Variants in DGKE observed in about 807,000 individuals in gnomAD.
DGKE encodes the protein diacylglycerol kinase epsilon, also known as DAG kinase epsilon.
In DGKE, 53 loss-of-function variants were observed where a neutral mutation model predicts 70.0. The ratio of observed to expected loss-of-function variants is 0.76; its 90% CI spans 0.61 to 0.95. The LOEUF (loss-of-function observed/expected upper bound fraction) is 0.95. Ranked by LOEUF, DGKE falls within the 40% of genes least tolerant of loss-of-function variation. The pLI is 0.00. For missense variants in DGKE, 655 were observed against 706.9 expected (o/e 0.93, Z 0.83); for synonymous variants, 291 against 257.0 (o/e 1.13, Z -1.27).
chr17:56,844,201 A>C, intron 3 of DGKE, 23 bp downstream of exon 3: 4 of 1,419,982 alleles, frequency 2.8e-6, no homozygotes, highest in Non-Finnish European at 3.7e-6. Flanking sequence ...TATTTCTCTA[A>C]TATGATTGAT....
chr17:56,851,246 A>G (rs1907631866), intron 7 of DGKE, among the ~76,000 whole-genome samples: 2 of 152,120 alleles, frequency 1.3e-5, no homozygotes, highest in South Asian at 2.1e-4. Flanking sequence ...TTTGTCCCCT[A>G]GATCACTTCC....
intron 2 of DGKE, chr17:56,835,548 C>G (rs1219976492): frequency 2.2e-6 from 1 of 456,964 alleles, no homozygotes; most frequent in Non-Finnish European, 3.8e-6. Context: ...TGCTTCATGG[C>G]CACTGTATAT....
intron 2 of DGKE, among the ~76,000 whole-genome samples, chr17:56,843,642 A>G (rs1198821542): frequency 6.6e-6 from 1 of 152,022 alleles, no homozygotes; most frequent in African/African-American, 2.4e-5. Context: ...TACTAAGAAT[A>G]TAAAAATTAC....
Position 56,844,085 on chromosome 17 carries a change from T to C in DGKE, c.531T>C (p.Cys177=). Residue 177 remains cysteine (C), a synonymous_variant, in exon 3 of 12, where the codon TGT becomes TGC. Coordinates refer to ENST00000284061, the MANE Select transcript of DGKE (RefSeq NM_003647.3). The stretch of plus-strand genomic sequence containing the variant: ...AAAATAGTTTAAAGAATGAAAAATG[T>C]GATTTTGGAGAATTCAAAAACCTAA... ...CMKNSLKNEK[C]DFGEFKNLII... is the part of the protein sequence containing the mutation. 2 of 1,584,218 alleles carry C rather than the reference T, an allele frequency of 1.3e-6. No individual in the cohort carries two copies. The highest frequency in any genetic ancestry group is 2.3e-5 in the South Asian group (2 of 85,652).
At chr17:56,842,277 T>G (rs1006961131) in intron 2 of DGKE, among the ~76,000 whole-genome samples, 2 of 152,164 alleles carry the variant, frequency 1.3e-5, no homozygotes, top group Non-Finnish European at 2.9e-5. Flanking sequence ...TTTTTAAAAT[T>G]TATACAAGTA....
chr17:56,850,998 A>G (rs1907614143), intron 7 of DGKE, among the ~76,000 whole-genome samples: 1 of 152,238 alleles, frequency 6.6e-6, no homozygotes, highest in Non-Finnish European at 1.5e-5. Context: ...TTCCAGGCAG[A>G]GGGAAAAGAG....
In DGKE at chr17:56,834,922, C is replaced by T. The variant is rs398123008; in HGVS notation, c.127C>T (p.Gln43Ter). ...GTTCATCACCTTCTGGTGTAGCCTCCAGCGGTCGCGCCGGCAGCTGCACCG... is the reference window on the plus strand; with the variant it reads ...GTTCATCACCTTCTGGTGTAGCCTCTAGCGGTCGCGCCGGCAGCTGCACCG... ...PVFITFWCSL[Q>*]RSRRQLHRRD... Residue 43 changes from glutamine to a stop codon, truncating the protein, a stop_gained, in exon 2 of 12, where the codon CAG (glutamine) becomes TAG (stop). Transcript: ENST00000284061. LOFTEE classifies it high-confidence loss of function. The T allele has an allele frequency of 6.2e-7, 1 of 1,613,636 alleles. No homozygotes were observed. Among genetic ancestry groups the T allele is most frequent in the Non-Finnish European group, 8.5e-7 (1 of 1,179,970 alleles).
chr17:56,844,528 T>G (rs748214487), intron 3 of DGKE, among the ~76,000 whole-genome samples: 13 of 152,206 alleles, frequency 8.5e-5, no homozygotes, highest in Non-Finnish European at 1.5e-5. Context: ...ATATTTGATT[T>G]AGTAGGTATA....
At chr17:56,861,765 C>A in intron 9 of DGKE, 26 bp from the exon 10 acceptor site, 2 of 1,608,410 alleles carry the variant, frequency 1.2e-6, no homozygotes, top group South Asian at 2.2e-5. Flanking sequence ...ATCCTGTAGT[C>A]ACTATCTATT....
Position 56,861,922 on chromosome 17 carries a change from T to G in DGKE, c.1412+4T>G. ...ACGAGACTTACCCTCTAGCCAGGTA[T>G]GTACATTTGTGGTCTGTTTTTTTAT... On this transcript the variant is annotated splice_donor_region_variant and intron_variant, in intron 10 of 11. Transcript: ENST00000284061. 1.9e-6 allele frequency: 3 copies of G among 1,591,318 alleles called. No individual in the cohort carries two copies. Among genetic ancestry groups the G allele is most frequent in the Non-Finnish European group, 2.6e-6 (3 of 1,173,450 alleles).
At chr17:56,843,874 G>T in intron 2 of DGKE, 145 bp from the exon 3 acceptor site, 1 of 669,608 alleles carries the variant, frequency 1.5e-6, no homozygotes, top group South Asian at 2.7e-5. Context: ...TCACTGTGCA[G>T]ATAGTGCATA....
At position 56,863,347 on chromosome 17, in the gene DGKE, A is replaced by G. The variant is rs1166102722; in HGVS notation, c.*556A>G. On this transcript the variant is annotated 3_prime_UTR_variant, in exon 12 of 12. Transcript: ENST00000284061. ...CCCAAAAGGAGAATAGTAAAAAAAG[A>G]TCATACTTAAAATTTGTATTACAAT... The G allele has an allele frequency of 2.6e-5, 4 of 152,250 alleles. No homozygotes were observed. Among genetic ancestry groups the G allele is most frequent in the Admixed American group, 2.6e-4 (4 of 15,280 alleles). 9.4% of individuals were successfully genotyped at this position (152,250 alleles called of 1,614,324 possible).
rs1204155241 is a variant in DGKE, at chr17:56,859,473, G to A, written c.1284+808G>A. 3.3e-5 allele frequency among the ~76,000 whole-genome samples: 5 copies of A among 150,136 alleles called. No individual in the cohort carries two copies. The East Asian group carries it at 1.0e-3, about 30-fold the overall frequency. On this transcript the variant is annotated intron_variant, in intron 9 of 11. Coordinates refer to ENST00000284061, the MANE Select transcript of DGKE (RefSeq NM_003647.3). ...CTCACTCTGTCATCCAGGCTGGAGT[G>A]CAGTGGTGCGATCTCCGCTCACTGC...
At chr17:56,860,711 ATAAG>A (rs934515572) in intron 9 of DGKE, among the ~76,000 whole-genome samples, 7 of 152,234 alleles carry the variant, frequency 4.6e-5, no homozygotes, top group African/African-American at 1.2e-4. Context: ...GAATCTGAAA[ATAAG>A]TAAGAGTTAG....
At chr17:56,840,157 T>TC (rs1476471504) in intron 2 of DGKE, among the ~76,000 whole-genome samples, 1 of 152,014 alleles carries the variant, frequency 6.6e-6, no homozygotes, top group African/African-American at 2.4e-5. Context: ...AGAGCGAAAC[T>TC]CCATCTCAAA....
Position 56,862,889 on chromosome 17 carries a change from C to A in DGKE, c.*98C>A. 9.6e-7 allele frequency: 1 copy of A among 1,041,652 alleles called. No individual in the cohort carries two copies. The highest frequency in any genetic ancestry group is 1.3e-6 in the Non-Finnish European group (1 of 781,940). The allele number at this position is 1,041,652 out of a possible 1,614,324, so 64.5% of individuals were successfully genotyped here. A position where few individuals can be genotyped will look rare whatever the true frequency, so the allele number is the denominator to read the frequency against. On this transcript the variant is annotated 3_prime_UTR_variant, in exon 12 of 12. Transcript: ENST00000284061. The stretch of plus-strand genomic sequence containing the variant: ...AGAAATTCTCTATCAGCTATTCAGT[C>A]TTAATTTCACTAGTAGTATAATGGG...
At position 56,858,562 on chromosome 17, in the gene DGKE, T is replaced by G. The variant is rs554510551; in HGVS notation, c.1213-32T>G. 13 of 1,545,098 alleles carry G rather than the reference T, an allele frequency of 8.4e-6. No individual in the cohort carries two copies. In the Admixed American group the frequency reaches 1.2e-4, roughly 14 times the overall value. ...TTATTGTTTACAGGGTTAGATTGTT[T>G]TAATATTATATTTTCTGTCCATTTT... On this transcript the variant is annotated intron_variant, in intron 8 of 11. Coordinates refer to ENST00000284061, the MANE Select transcript of DGKE (RefSeq NM_003647.3).
At chr17:56,847,863 C>T in intron 4 of DGKE, 59 bp from the exon 5 acceptor site, 1 of 1,298,584 alleles carries the variant, frequency 7.7e-7, no homozygotes, top group South Asian at 1.8e-5. Context: ...GGGAAATCAT[C>T]ATTACAGATG....
At position 56,839,694 on chromosome 17, in the gene DGKE, CT is replaced by C. The variant is rs1163989856; in HGVS notation, c.465-4319del. On this transcript the variant is annotated intron_variant, in intron 2 of 11. Coordinates refer to ENST00000284061, the MANE Select transcript of DGKE (RefSeq NM_003647.3). ...CCACCATGCCTGATATTTTTTTTTT[CT>C]TTTTTGTAGAGATAGGAGTATCACC... 5.3e-5 allele frequency among the ~76,000 whole-genome samples: 8 copies of C among 150,324 alleles called. No homozygotes were observed. In the East Asian group the frequency reaches 1.6e-3, roughly 29 times the overall value.
Sources: allele counts gnomAD v4.1 joint callset (sites outside exome capture counted in the v4.1 genomes callset), GRCh38; gene constraint gnomAD v4.1.1; transcripts MANE v1.5; gene names NCBI Gene and HGNC (gene_info 2026-07-23, HGNC 2026-07-21).